The following NOL6 variants were observed in gnomAD, a reference collection of about 807,000 sequenced individuals.
NOL6 encodes nucleolar protein 6, also known as nucleolar RNA-associated protein.
A neutral mutation model predicts 131.7 loss-of-function variants in NOL6; 33 were observed. That is an observed-to-expected ratio of 0.25 (90% CI 0.19 to 0.33). The LOEUF (loss-of-function observed/expected upper bound fraction) is 0.33, where lower values mean the gene tolerates loss of function less well. Among genes scored for constraint, NOL6 ranks in the 10% least tolerant of loss-of-function variants. NOL6 has a pLI of 1.00. For synonymous variants in NOL6, 580 were observed against 605.7 expected (o/e 0.96, Z 0.62); for missense variants, 1,297 against 1,494.5 (o/e 0.87, Z 2.18).
In NOL6 at chr9:33,467,951, T is replaced by C. The variant is rs770230395; in HGVS notation, c.1424+79A>G. The C allele has an allele frequency of 6.2e-7, 1 of 1,606,500 alleles. No individual in the cohort carries two copies. Among genetic ancestry groups the C allele is most frequent in the Admixed American group, 1.7e-5 (1 of 59,792 alleles). On this transcript the variant is annotated intron_variant, in intron 11 of 25. Transcript: ENST00000297990. This position sits in a 1 kb window ranked among gnomAD's most constrained non-coding sequence, Gnocchi z 4.4. ...CTCCTCCCTGAATGATCTGAGCACC[T>C]GTCTGAAGACCTTTGCCCCACCACT...
In NOL6 at chr9:33,473,779, C is replaced by T. The variant is rs763602443; in HGVS notation, c.54+10G>A. 9.3e-6 allele frequency: 15 copies of T among 1,611,894 alleles called. No homozygotes were observed. Among genetic ancestry groups the T allele is most frequent in the Middle Eastern group, 3.3e-4 (2 of 6,062 alleles). On this transcript the variant is annotated intron_variant, in intron 1 of 25. Coordinates refer to ENST00000297990, the MANE Select transcript of NOL6 (RefSeq NM_022917.5). ...TTGAGCCTCTGTTCCTCCCCGATGG[C>T]TCAACCCACCTCTGGCTCTCCAGTC... is the stretch of plus-strand genomic sequence containing the variant.
At chr9:33,470,480 CAGA>C (rs1478213001) in intron 3 of NOL6, 1 of 188,942 alleles carries the variant, frequency 5.3e-6, no homozygotes, top group African/African-American at 2.3e-5. Flanking sequence ...ATCACGAGGT[CAGA>C]AGATCGAGAC....
At position 33,466,334 on chromosome 9, in the gene NOL6, C is replaced by G. The variant is rs762507723; in HGVS notation, c.2183G>C (p.Cys728Ser). The G allele has an allele frequency of 1.9e-6, 3 of 1,614,208 alleles. No homozygotes were observed. The highest frequency in any genetic ancestry group is 2.5e-6 in the Non-Finnish European group (3 of 1,180,044). Residue 728 changes from cysteine (C) to serine (S), a missense_variant, in exon 17 of 26, where the codon TGT becomes TCT. Transcript: ENST00000297990. ...SSLLPRLDKPCPAYVEPMTVV... is the reference protein window; with the variant it reads ...SSLLPRLDKPSPAYVEPMTVV... ...GGTCATGGGCTCCACGTAGGCCGGA[C>G]AGGGCTTATCGAGCCGGGGCAGCAG...
Position 33,472,264 on chromosome 9 carries a change from T to A in NOL6, c.203A>T (p.Glu68Val). The change falls in exon 2 of 26, where the codon GAG becomes GTG. Residue 68 changes from glutamate (E) to valine (V), a missense_variant. By Grantham distance (121) the Glu-to-Val change is moderately radical. Coordinates refer to ENST00000297990, the MANE Select transcript of NOL6 (RefSeq NM_022917.5). Reference sequence around the variant, plus strand: ...CTCAGTCTCCCGAAGGCGATTAAGCTCCTCATTGGTAGGCTCCTTGTACAG... The same window carrying A: ...CTCAGTCTCCCGAAGGCGATTAAGCACCTCATTGGTAGGCTCCTTGTACAG... ...AELYKEPTNE[E>V]LNRLRETEIL... The A allele has an allele frequency of 6.2e-7, 1 of 1,614,188 alleles. No homozygotes were observed. Among genetic ancestry groups the A allele is most frequent in the Non-Finnish European group, 8.5e-7 (1 of 1,180,026 alleles).
At chr9:33,465,406 A>G (rs1159762790) in intron 19 of NOL6, 47 bp from the exon 20 acceptor site, 2 of 1,541,738 alleles carry the variant, frequency 1.3e-6, no homozygotes, top group Non-Finnish European at 8.8e-7. Context: ...CCCCACTGCC[A>G]CTGTTCATCC....
Position 33,467,782 on chromosome 9 carries a change from G to A in NOL6, c.1511C>T (p.Ser504Leu), listed in dbSNP as rs137958614. Residue 504 changes from serine to leucine, a missense_variant, in exon 12 of 26, where the codon TCA becomes TTA. Physicochemically the swap from Ser to Leu is moderately radical, Grantham distance 145. Coordinates refer to ENST00000297990, the MANE Select transcript of NOL6 (RefSeq NM_022917.5). This position sits in a 1 kb window ranked among gnomAD's most constrained non-coding sequence, Gnocchi z 4.4. ...ELQDNGGDYV[S>L]AALGPLTTLL... ...GGTGGTCAGGGGGCCCAAAGCAGCTGAGACATAGTCCCCACCATTGTCCTG... is the reference window on the plus strand; with the variant it reads ...GGTGGTCAGGGGGCCCAAAGCAGCTAAGACATAGTCCCCACCATTGTCCTG... The A allele has an allele frequency of 1.9e-6, 3 of 1,611,682 alleles. No individual in the cohort carries two copies. The highest frequency in any genetic ancestry group is 2.5e-6 in the Non-Finnish European group (3 of 1,179,062).
chr9:33,464,406 C>T (rs532720408), intron 21 of NOL6, among the ~76,000 whole-genome samples: 1 of 152,268 alleles, frequency 6.6e-6, no homozygotes, highest in African/African-American at 2.4e-5. Flanking sequence ...GTCTGGTTTC[C>T]GGGCCTGCAC....
Position 33,469,102 on chromosome 9 carries a change from G to C in NOL6, c.882C>G (p.Thr294=). The stretch of plus-strand genomic sequence containing the variant: ...GCAGGACCCATGTGTTATAGCGGGG[G>C]GTAGGAGGCTCTGGGCTACCTGTGG... The part of the protein sequence containing the change: ...PAGDGSPEPP[T]PRYNTWVLQD... Residue 294 remains threonine (T), a synonymous_variant, in exon 7 of 26, where the codon ACC becomes ACG. Transcript: ENST00000297990. The C allele has an allele frequency of 6.2e-7, 1 of 1,614,224 alleles. No individual in the cohort carries two copies. The highest frequency in any genetic ancestry group is 8.5e-7 in the Non-Finnish European group (1 of 1,180,040).
rs1324425594 is a variant in NOL6 at position 33,469,005 on chromosome 9, C to G, written c.979G>C (p.Gly327Arg). 2 of 1,614,078 alleles carry G rather than the reference C, an allele frequency of 1.2e-6. No individual in the cohort carries two copies. The highest frequency in any genetic ancestry group is 1.7e-6 in the Non-Finnish European group (2 of 1,180,032). ...AGCCAGACCTTCAGAAGTGCCACGC[C>G]ATCCTTCAGGCCCTGGGCTGAACTC... is the stretch of plus-strand genomic sequence containing the variant. ...ILSSAQGLKD[G>R]VALLKVWLRQ... is the part of the protein sequence containing the mutation. The change falls in exon 7 of 26, where the codon GGC becomes CGC. Residue 327 changes from glycine to arginine, a missense_variant. Physicochemically the swap from Gly to Arg is moderately radical, Grantham distance 125. Coordinates refer to ENST00000297990, the MANE Select transcript of NOL6 (RefSeq NM_022917.5).
rs374600287 is a variant in NOL6, at chr9:33,473,890, A to T, written c.-48T>A. ...CGCACTTCAGATTCTAGCCGGGTCT[A>T]TACCTCATAGCTTCCCACGTGGGCG... On this transcript the variant is annotated 5_prime_UTR_variant, in exon 1 of 26. The change creates a premature stop within an existing upstream ORF in the 5' untranslated region. Transcript: ENST00000297990. 6.2e-7 allele frequency: 1 copy of T among 1,604,046 alleles called. No individual in the cohort carries two copies. The highest frequency in any genetic ancestry group is 1.7e-5 in the Admixed American group (1 of 59,656).
At position 33,462,718 on chromosome 9, in the gene NOL6, CA is replaced by C; in HGVS notation, c.3386del (p.Leu1129ArgfsTer41). The C allele has an allele frequency of 2.5e-6, 4 of 1,614,170 alleles. No individual in the cohort carries two copies. The highest frequency in any genetic ancestry group is 3.4e-6 in the Non-Finnish European group (4 of 1,180,034). On this transcript the variant is annotated frameshift_variant, in exon 26 of 26. Coordinates refer to ENST00000297990, the MANE Select transcript of NOL6 (RefSeq NM_022917.5). LOFTEE classifies it high-confidence loss of function. Reference protein sequence around the residue: ...VEAILEDFAVLGEGLVQTVEA... With the variant: ...VEAILEDFAVXGEGLVQTVEA... Reference sequence around the variant, plus strand: ...CCACAGTCTGCACCAGGCCTTCACCCAGCACAGCAAAGTCCTCCAGGATTGC... The same window carrying C: ...CCACAGTCTGCACCAGGCCTTCACCCGCACAGCAAAGTCCTCCAGGATTGC...
chr9:33,465,082 C>G, intron 20 of NOL6, 106 bp from the exon 21 acceptor site: 1 of 1,433,910 alleles, frequency 7.0e-7, no homozygotes, highest in Non-Finnish European at 9.6e-7. Context: ...CAGGGCAGGG[C>G]ATCTTAGAAC....
At chr9:33,462,919 T>C in intron 25 of NOL6, 106 bp from the exon 26 acceptor site, 4 of 1,549,194 alleles carry the variant, frequency 2.6e-6, no homozygotes, top group East Asian at 2.3e-5. Flanking sequence ...CACAAGCCCA[T>C]ACACTCCGCA....
rs1228532097 is a variant in NOL6, at chr9:33,470,075, G to A, written c.495C>T (p.Ser165=). The change falls in exon 4 of 26, where the codon AGC becomes AGT. Residue 165 remains serine (S), a synonymous_variant. Transcript: ENST00000297990. ...GTCGGATGCAGGTGCCCAGAAGGTA[G>A]CTGCCCACAACAGTAACCTGGGCTG... ...LPPAQVTVVG[S]YLLGTCIRPD... The A allele has an allele frequency of 1.1e-5, 18 of 1,613,072 alleles. No homozygotes were observed. The highest frequency in any genetic ancestry group is 1.5e-5 in the Non-Finnish European group (18 of 1,179,338).
chr9:33,463,926 G>A lies in NOL6; in HGVS notation c.2905-6C>T. The A allele has an allele frequency of 6.2e-7, 1 of 1,614,116 alleles. No individual in the cohort carries two copies. Among genetic ancestry groups the A allele is most frequent in the Non-Finnish European group, 8.5e-7 (1 of 1,180,018 alleles). On this transcript the variant is annotated splice_region_variant and splice_polypyrimidine_tract_variant and intron_variant, in intron 22 of 25. Transcript: ENST00000297990. ...ACCACAAGCTGCTGCAGGATCTGCG[G>A]GGTACAGACACATCAGACTGGAACT...
chr9:33,471,124 A>C (rs1301982560), intron 3 of NOL6, among the ~76,000 whole-genome samples: 1 of 152,176 alleles, frequency 6.6e-6, no homozygotes. Flanking sequence ...AATACCAAAA[A>C]AATTAGCCGG....
At position 33,467,350 on chromosome 9, in the gene NOL6, C is replaced by T. The variant is rs756351797; in HGVS notation, c.1725+44G>A. On this transcript the variant is annotated intron_variant, in intron 13 of 25. Transcript: ENST00000297990. The surrounding 1 kb of genome is among the most constrained non-coding windows in gnomAD (Gnocchi z 4.4). ...AGCTTCAGTCCAGGTGCCATGAGGACGAGCCACCCCATTCCTTCCAGTGTA... is the reference window on the plus strand; with the variant it reads ...AGCTTCAGTCCAGGTGCCATGAGGATGAGCCACCCCATTCCTTCCAGTGTA... 87 of 1,610,152 alleles carry T rather than the reference C, an allele frequency of 5.4e-5. No individual in the cohort carries two copies. Among genetic ancestry groups the T allele is most frequent in the Admixed American group, 1.3e-4 (8 of 59,918 alleles).
chr9:33,463,551 T>G, intron 23 of NOL6, 110 bp from the exon 24 acceptor site: 1 of 998,476 alleles, frequency 1.0e-6, no homozygotes, highest in Non-Finnish European at 1.5e-6. Flanking sequence ...GACCACCCTC[T>G]ATGGGCCCAC....
chr9:33,464,796 ACCTAACACTG>A, intron 21 of NOL6, 73 bp downstream of exon 21: 1 of 998,730 alleles, frequency 1.0e-6, no homozygotes, highest in Non-Finnish European at 1.6e-6. Flanking sequence ...CACAGAGAAA[ACCTAACACTG>A]CCAGGGAAAC....
Sources: allele counts gnomAD v4.1 joint callset (sites outside exome capture counted in the v4.1 genomes callset), GRCh38; gene constraint gnomAD v4.1.1; non-coding constraint Gnocchi (gnomAD v3.1); transcripts MANE v1.5; gene names NCBI Gene and HGNC (gene_info 2026-07-23, HGNC 2026-07-21).